GABRB2: variants seen among roughly 807,000 people sequenced by gnomAD.
The protein encoded by GABRB2 is gamma-aminobutyric acid type A receptor subunit beta2, also known as gamma-aminobutyric acid receptor subunit beta-2.
GABRB2 carries 16 observed loss-of-function variants against 54.7 expected under a neutral mutation model. That is an observed-to-expected ratio of 0.29 (90% CI 0.20 to 0.44). The LOEUF (loss-of-function observed/expected upper bound fraction) is 0.44, where lower values mean the gene tolerates loss of function less well. Ranked by LOEUF, GABRB2 falls within the 20% of genes least tolerant of loss-of-function variation. GABRB2 has a pLI of 1.00. For synonymous variants in GABRB2, 244 were observed against 233.8 expected, an observed-to-expected ratio of 1.04 and a Z score of -0.40; for missense variants, 355 against 644.0, an observed-to-expected ratio of 0.55 and a Z score of 4.86.
At chr5:161,360,506 A>G (rs1293451530) in intron 5 of GABRB2, among the ~76,000 whole-genome samples, 3 of 152,214 alleles carry the variant, frequency 2.0e-5, no homozygotes, top group African/African-American at 7.2e-5. Context: ...TCAACAGTCA[A>G]CACTGGATGA....
At chr5:161,438,435 T>TG (rs1455083024) in intron 4 of GABRB2, among the ~76,000 whole-genome samples, 1 of 152,008 alleles carries the variant, frequency 6.6e-6, no homozygotes, top group East Asian at 1.9e-4. Flanking sequence ...CAGCTACAAA[T>TG]AAGTCCAGAC....
intron 5 of GABRB2, among the ~76,000 whole-genome samples, chr5:161,391,373 T>A (rs1313459055): frequency 6.6e-6 from 1 of 152,094 alleles, no homozygotes; most frequent in Non-Finnish European, 1.5e-5. Context: ...ACGAGACAGG[T>A]TTTTAAACAA....
chr5:161,296,765 A>G (rs1332600576), intron 9 of GABRB2, among the ~76,000 whole-genome samples: 2 of 152,222 alleles, frequency 1.3e-5, no homozygotes, highest in Non-Finnish European at 2.9e-5. Context: ...TCCTAGTGGG[A>G]ATAACAATCT....
intron 3 of GABRB2, among the ~76,000 whole-genome samples, chr5:161,495,476 ATT>A (rs557846201): frequency 6.6e-6 from 1 of 152,004 alleles, no homozygotes; most frequent in African/African-American, 2.4e-5. Flanking sequence ...ATTTTAATGA[ATT>A]TTTTTAATGA....
intron 3 of GABRB2, among the ~76,000 whole-genome samples, chr5:161,512,191 C>T (rs1759793622): frequency 6.6e-6 from 1 of 151,928 alleles, no homozygotes; most frequent in Non-Finnish European, 1.5e-5. Context: ...CAACTCTATT[C>T]CTATCAAACT....
rs146273448 is a variant in GABRB2, at chr5:161,331,593, G to C, written c.833-466C>G. Among the ~76,000 whole-genome samples the C allele has an allele frequency of 1.4e-4, 22 of 152,246 alleles. No individual in the cohort carries two copies. In the South Asian group the frequency reaches 3.5e-3, roughly 24 times the overall value. On this transcript the variant is annotated intron_variant, in intron 7 of 9. Transcript: ENST00000393959. ...TTGACTTATGGGGACTGCTGGTGGA[G>C]AGAGCTTTTATATCAAGGTTGGATT...
chr5:161,391,340 T>C (rs900089110), intron 5 of GABRB2, among the ~76,000 whole-genome samples: 3 of 152,200 alleles, frequency 2.0e-5, no homozygotes, highest in African/African-American at 7.2e-5. Flanking sequence ...TCTTTTTTTA[T>C]GTGAGAACTG....
At position 161,329,849 on chromosome 5, in the gene GABRB2, T is replaced by G. The variant is rs942175313; in HGVS notation, c.1077+1034A>C. 6 of 152,188 alleles carry G rather than the reference T, an allele frequency of 3.9e-5. 1 individual carries two copies. Among genetic ancestry groups the G allele is most frequent in the African/African-American group, 1.4e-4 (6 of 41,444 alleles). 9.4% of individuals were successfully genotyped at this position (152,188 alleles called of 1,614,324 possible). A position where few individuals can be genotyped will look rare whatever the true frequency, so the allele number is the denominator to read the frequency against. On this transcript the variant is annotated intron_variant, in intron 8 of 9. Transcript: ENST00000393959. ...CTTTGGCTATTGCTAAAGGTCTAAA[T>G]GTGGCCTCTGGGAAGATACATATAC...
chr5:161,535,300 T>C (rs866516533), intron 3 of GABRB2, among the ~76,000 whole-genome samples: 14 of 152,330 alleles, frequency 9.2e-5, no homozygotes, highest in African/African-American at 3.1e-4. Context: ...ATGCACTGTG[T>C]ATTACATTTA....
intron 5 of GABRB2, among the ~76,000 whole-genome samples, chr5:161,396,054 G>A (rs1006922849): frequency 6.6e-6 from 1 of 152,170 alleles, no homozygotes; most frequent in African/African-American, 2.4e-5. Flanking sequence ...CTTTCTTTGA[G>A]TGGAAATTTT....
chr5:161,459,689 G>A lies in GABRB2; in HGVS notation c.393C>T (p.His131=), dbSNP rs755211861. The change falls in exon 4 of 10, where the codon CAC becomes CAT. Residue 131 remains histidine, a synonymous_variant. Coordinates refer to ENST00000393959, the MANE Select transcript of GABRB2 (RefSeq NM_001371727.1). The part of the protein sequence containing the change: ...YFLNDKKSFV[H]GVTVKNRMIR... Reference sequence around the variant, plus strand: ...TCATGCGGTTCTTAACAGTCACTCCGTGCACAAATGACTTCTTATCGTTCA... The same window carrying A: ...TCATGCGGTTCTTAACAGTCACTCCATGCACAAATGACTTCTTATCGTTCA... The A allele has an allele frequency of 2.5e-5, 41 of 1,613,996 alleles. No individual in the cohort carries two copies. Among genetic ancestry groups the A allele is most frequent in the Non-Finnish European group, 3.0e-5 (35 of 1,180,010 alleles).
chr5:161,411,542 A>G (rs1756516212), intron 4 of GABRB2, among the ~76,000 whole-genome samples: 1 of 152,168 alleles, frequency 6.6e-6, no homozygotes, highest in African/African-American at 2.4e-5. Context: ...GCAGTGCTTT[A>G]ATATAACACA....
chr5:161,464,578 A>G (rs1418786103), intron 3 of GABRB2, among the ~76,000 whole-genome samples: 3 of 152,056 alleles, frequency 2.0e-5, no homozygotes, highest in African/African-American at 7.2e-5. Context: ...GAACCTAGCA[A>G]TCCCACTCCT....
At chr5:161,380,120 C>T (rs1467620697) in intron 5 of GABRB2, among the ~76,000 whole-genome samples, 1 of 151,912 alleles carries the variant, frequency 6.6e-6, no homozygotes, top group African/African-American at 2.4e-5. Flanking sequence ...TGAAATATGG[C>T]CCAGAAGTCT....
At chr5:161,376,318 A>G (rs1376094687) in intron 5 of GABRB2, among the ~76,000 whole-genome samples, 2 of 152,150 alleles carry the variant, frequency 1.3e-5, no homozygotes, top group East Asian at 3.9e-4. Context: ...CTTTCTATAC[A>G]TGAAAATGTT....
chr5:161,410,049 A>G (rs1561640478), intron 5 of GABRB2, among the ~76,000 whole-genome samples: 1 of 152,156 alleles, frequency 6.6e-6, no homozygotes, highest in Non-Finnish European at 1.5e-5. Context: ...GCTGCTTGCC[A>G]GAGCTAAAAC....
chr5:161,436,473 C>T (rs973637711), intron 4 of GABRB2, among the ~76,000 whole-genome samples: 4 of 149,752 alleles, frequency 2.7e-5, no homozygotes, highest in African/African-American at 9.9e-5. Flanking sequence ...GCGGAGGTTG[C>T]AGTGAGCTGG....
At chr5:161,406,313 T>C (rs1225662867) in intron 5 of GABRB2, among the ~76,000 whole-genome samples, 4 of 152,050 alleles carry the variant, frequency 2.6e-5, no homozygotes, top group Admixed American at 1.3e-4. Flanking sequence ...CACAGCTGGC[T>C]AAAACATTCT....
intron 3 of GABRB2, among the ~76,000 whole-genome samples, chr5:161,492,336 TA>T (rs959825043): frequency 6.6e-6 from 1 of 151,692 alleles, no homozygotes; most frequent in African/African-American, 2.4e-5. Flanking sequence ...GCCCTCTAAA[TA>T]GCTACAGAAT....
Sources: gnomAD v4.1 joint callset for allele counts (sites outside exome capture counted in the v4.1 genomes callset) on GRCh38, gnomAD v4.1.1 for gene constraint, MANE v1.5 for transcripts, NCBI Gene and HGNC (gene_info 2026-07-23, HGNC 2026-07-21) for gene names.